RAP1GDS1: variants seen among roughly 807,000 people sequenced by gnomAD.
RAP1GDS1 encodes Rap1 GTPase-GDP dissociation stimulator 1, also known as RAP1, GTP-GDP dissociation stimulator 1.
In RAP1GDS1, 35 loss-of-function variants were observed where a neutral mutation model predicts 71.1. The observed-to-expected ratio is 0.49, with a 90% CI of 0.38 to 0.65. The LOEUF (loss-of-function observed/expected upper bound fraction) is 0.65. Among genes scored for constraint, RAP1GDS1 ranks in the 30% least tolerant of loss-of-function variants. The pLI is 0.00. For missense variants in RAP1GDS1, 663 were observed against 706.1 expected, an observed-to-expected ratio of 0.94 and a Z score of 0.69; for synonymous variants, 229 against 243.1, an observed-to-expected ratio of 0.94 and a Z score of 0.54.
intron 12 of RAP1GDS1, among the ~76,000 whole-genome samples, chr4:98,427,297 G>A (rs1466894554): frequency 6.6e-6 from 1 of 152,098 alleles, no homozygotes; most frequent in Non-Finnish European, 1.5e-5. Context: ...TTCCCTCTGA[G>A]AACTGGAACA....
At chr4:98,268,538 A>G (rs979860523) in intron 1 of RAP1GDS1, among the ~76,000 whole-genome samples, 3 of 152,138 alleles carry the variant, frequency 2.0e-5, no homozygotes, top group Non-Finnish European at 4.4e-5. Flanking sequence ...TAAAGATAGC[A>G]TGGTCTTATA....
intron 1 of RAP1GDS1, among the ~76,000 whole-genome samples, chr4:98,269,875 GTATT>G (rs1368063338): frequency 6.6e-6 from 1 of 152,112 alleles, no homozygotes; most frequent in Admixed American, 6.6e-5. Context: ...TACTCAATCT[GTATT>G]TACCTAGATG....
At position 98,392,052 on chromosome 4, in the gene RAP1GDS1, T is replaced by G; in HGVS notation, c.609T>G (p.Leu203=). ...CQNAALTEMC[L]VAFGNLAELE... Reference sequence around the variant, plus strand: ...ATGCAGCTCTTACAGAAATGTGTCTTGTTGCATTTGGTAATTTAGCAGAAC... The same window carrying G: ...ATGCAGCTCTTACAGAAATGTGTCTGGTTGCATTTGGTAATTTAGCAGAAC... Residue 203 remains leucine, a synonymous_variant, in exon 6 of 15, where the codon CTT becomes CTG. Transcript: ENST00000408927. The G allele has an allele frequency of 1.9e-6, 3 of 1,612,726 alleles. No individual in the cohort carries two copies.
chr4:98,277,793 A>G (rs931506468), intron 1 of RAP1GDS1, among the ~76,000 whole-genome samples: 7 of 152,270 alleles, frequency 4.6e-5, no homozygotes, highest in African/African-American at 1.7e-4. Context: ...TAACAACAGT[A>G]TCCTATAGTG....
At chr4:98,439,691 A>C (rs1456465344) in intron 14 of RAP1GDS1, among the ~76,000 whole-genome samples, 1 of 152,044 alleles carries the variant, frequency 6.6e-6, no homozygotes, top group African/African-American at 2.4e-5. Flanking sequence ...TGTCCCCTCT[A>C]TTCTGATGTT....
At chr4:98,389,214 G>T (rs1270144951) in intron 5 of RAP1GDS1, among the ~76,000 whole-genome samples, 2 of 152,060 alleles carry the variant, frequency 1.3e-5, no homozygotes, top group Non-Finnish European at 2.9e-5. Context: ...AGGGTTCCAG[G>T]GACACTTTTT....
At chr4:98,368,578 A>G (rs576857451) in intron 4 of RAP1GDS1, among the ~76,000 whole-genome samples, 4 of 152,268 alleles carry the variant, frequency 2.6e-5, no homozygotes, top group Non-Finnish European at 5.9e-5. Flanking sequence ...AAAATATTTA[A>G]TTTTTTATGA....
At position 98,352,585 on chromosome 4, in the gene RAP1GDS1, C is replaced by T; in HGVS notation, c.345C>T (p.Asn115=). ...VLLQTGRALG[N]ICYDSHEGRS... Reference sequence around the variant, plus strand: ...TTCAAACGGGCAGGGCTCTAGGAAACATATGTTACGATAGCCGTAAGTGTT... The same window carrying T: ...TTCAAACGGGCAGGGCTCTAGGAAATATATGTTACGATAGCCGTAAGTGTT... Residue 115 remains asparagine, a synonymous_variant, in exon 4 of 15, where the codon AAC becomes AAT. Transcript: ENST00000408927. 1 of 1,613,852 alleles carries T rather than the reference C, an allele frequency of 6.2e-7. No individual in the cohort carries two copies. The highest frequency in any genetic ancestry group is 2.2e-5 in the East Asian group (1 of 44,864).
chr4:98,404,551 CATG>C lies in RAP1GDS1; in HGVS notation c.715_717del (p.Asp239del), dbSNP rs1560968203. ...AAAACTCTTCAAGAAACAAATAGAA[CATG>C]ATAAGAGAGAAATGATTTTTGAAGT... On this transcript the variant is annotated inframe_deletion, in exon 7 of 15. Coordinates refer to ENST00000408927, the MANE Select transcript of RAP1GDS1 (RefSeq NM_001100427.2). 6.2e-7 allele frequency: 1 copy of C among 1,605,938 alleles called. No homozygotes were observed. Among genetic ancestry groups the C allele is most frequent in the Admixed American group, 1.7e-5 (1 of 58,670 alleles).
intron 1 of RAP1GDS1, among the ~76,000 whole-genome samples, chr4:98,265,854 T>C (rs767522108): frequency 2.6e-5 from 4 of 152,116 alleles, no homozygotes; most frequent in African/African-American, 4.8e-5. Flanking sequence ...GAGAACAGGC[T>C]CTAAGTGCTT....
intron 6 of RAP1GDS1, 187 bp downstream of exon 6, chr4:98,392,267 TGA>T (rs1743820584): frequency 8.3e-6 from 4 of 483,228 alleles, no homozygotes; most frequent in Non-Finnish European, 1.4e-5. Context: ...GCATTGTTTA[TGA>T]GAGCGTTTTA....
chr4:98,319,198 T>C (rs1191283920), intron 2 of RAP1GDS1, among the ~76,000 whole-genome samples: 1 of 152,216 alleles, frequency 6.6e-6, no homozygotes, highest in Non-Finnish European at 1.5e-5. Flanking sequence ...TTGCTTAGCA[T>C]GTTCTAGGCA....
intron 1 of RAP1GDS1, 140 bp from the exon 2 acceptor site, chr4:98,293,268 A>T: frequency 1.7e-6 from 1 of 572,516 alleles, no homozygotes; most frequent in Non-Finnish European, 3.1e-6. Flanking sequence ...GTACAGTCTA[A>T]TGCCATTTTG....
chr4:98,359,888 T>C (rs1051564628), intron 4 of RAP1GDS1, among the ~76,000 whole-genome samples: 1 of 152,170 alleles, frequency 6.6e-6, no homozygotes, highest in Non-Finnish European at 1.5e-5. Flanking sequence ...AACGAAATTA[T>C]ATTGTAAAGT....
chr4:98,436,912 C>T, intron 13 of RAP1GDS1, 28 bp from the exon 14 acceptor site: 1 of 1,567,088 alleles, frequency 6.4e-7, no homozygotes, highest in Non-Finnish European at 8.6e-7. Flanking sequence ...GGTTCGTACG[C>T]AGTAGATATA....
intron 12 of RAP1GDS1, among the ~76,000 whole-genome samples, chr4:98,421,805 A>C (rs1748902594): frequency 6.6e-6 from 1 of 152,196 alleles, no homozygotes; most frequent in Non-Finnish European, 1.5e-5. Context: ...CCAATAAATG[A>C]ACAAATGAGC....
chr4:98,371,175 G>C (rs1740322782), intron 4 of RAP1GDS1, among the ~76,000 whole-genome samples: 1 of 149,906 alleles, frequency 6.7e-6, no homozygotes, highest in Non-Finnish European at 1.5e-5. Context: ...TGCAGGAGCA[G>C]GATCTCGGCT....
chr4:98,288,532 T>C (rs1726397767), intron 1 of RAP1GDS1, among the ~76,000 whole-genome samples: 2 of 152,148 alleles, frequency 1.3e-5, no homozygotes, highest in African/African-American at 4.8e-5. Context: ...TTTATAATCC[T>C]TTGGGTATAT....
At chr4:98,439,566 A>T (rs1751626193) in intron 14 of RAP1GDS1, among the ~76,000 whole-genome samples, 1 of 152,094 alleles carries the variant, frequency 6.6e-6, no homozygotes, top group Non-Finnish European at 1.5e-5. Flanking sequence ...CTTTAATTAT[A>T]GTCTTGTAGG....
Sources: gnomAD v4.1 joint callset for allele counts (sites outside exome capture counted in the v4.1 genomes callset) on GRCh38, gnomAD v4.1.1 for gene constraint, MANE v1.5 for transcripts, NCBI Gene and HGNC (gene_info 2026-07-23, HGNC 2026-07-21) for gene names.